CTNNA2: variants seen among roughly 807,000 people sequenced by gnomAD.
CTNNA2 encodes the protein catenin alpha-2.
CTNNA2 carries 42 observed loss-of-function variants against 101.0 expected under a neutral mutation model. The ratio of observed to expected loss-of-function variants is 0.42; its 90% CI spans 0.32 to 0.54. The LOEUF (loss-of-function observed/expected upper bound fraction) is 0.54, where lower values mean the gene tolerates loss of function less well. Ranked by LOEUF, CTNNA2 falls within the 20% of genes least tolerant of loss-of-function variation. The pLI is 0.14. For synonymous variants in CTNNA2, 450 were observed against 456.4 expected (o/e 0.99, Z 0.18); for missense variants, 871 against 1,223.1 (o/e 0.71, Z 4.29).
chr2:79,917,753 G>A (rs1467074078), intron 7 of CTNNA2, among the ~76,000 whole-genome samples: 1 of 152,202 alleles, frequency 6.6e-6, no homozygotes, highest in Admixed American at 6.5e-5. Flanking sequence ...CACAGGTGGT[G>A]GGAGAATCTC....
At position 80,455,352 on chromosome 2, in the gene CTNNA2, A is replaced by G. The variant is rs75531433; in HGVS notation, c.1290+35751A>G. Among the ~76,000 whole-genome samples the G allele has an allele frequency of 3.2e-4, 48 of 152,206 alleles. 1 individual carries two copies. Among genetic ancestry groups the G allele is most frequent in the Non-Finnish European group, 5.9e-5 (4 of 68,030 alleles). On this transcript the variant is annotated intron_variant, in intron 9 of 18. Transcript: ENST00000402739. ...TAATTGCCAGGTTGAATGGGCTTGT[A>G]TAAAGGTCATCTCTCTATCAGGAGG... is the stretch of plus-strand genomic sequence containing the variant.
At chr2:80,201,014 A>G (rs144869777) in intron 7 of CTNNA2, among the ~76,000 whole-genome samples, 3 of 152,240 alleles carry the variant, frequency 2.0e-5, no homozygotes, top group African/African-American at 7.2e-5. Context: ...TAAAATGGCA[A>G]TCTCAAGTCC....
At chr2:79,425,766 T>C (rs1054069721) in intron 4 of CTNNA2, among the ~76,000 whole-genome samples, 1 of 152,174 alleles carries the variant, frequency 6.6e-6, no homozygotes, top group Admixed American at 6.5e-5. Flanking sequence ...ATATTCTTTA[T>C]GAAATCTTAC....
chr2:79,753,721 G>T (rs1472443697), intron 3 of CTNNA2, among the ~76,000 whole-genome samples: 1 of 152,136 alleles, frequency 6.6e-6, no homozygotes, highest in African/African-American at 2.4e-5. Flanking sequence ...GAAAGAAGAA[G>T]CTTCTTCATG....
intron 7 of CTNNA2, among the ~76,000 whole-genome samples, chr2:80,110,132 C>T (rs1389902384): frequency 6.6e-6 from 1 of 152,094 alleles, no homozygotes; most frequent in Non-Finnish European, 1.5e-5. Context: ...ACGACGGTGC[C>T]ATATTGAATA....
chr2:79,613,646 G>A (rs1026667459), intron 1 of CTNNA2, among the ~76,000 whole-genome samples: 11 of 151,976 alleles, frequency 7.2e-5, no homozygotes, highest in Admixed American at 2.6e-4. Context: ...CATTTATTAA[G>A]GATGTACTAA....
intron 2 of CTNNA2, among the ~76,000 whole-genome samples, chr2:79,726,725 A>T (rs960744192): frequency 4.6e-5 from 7 of 152,216 alleles, no homozygotes; most frequent in African/African-American, 1.7e-4. Flanking sequence ...TCAGTATATG[A>T]TGTAACTATT....
intron 2 of CTNNA2, among the ~76,000 whole-genome samples, chr2:79,688,208 G>A (rs997351143): frequency 2.0e-5 from 3 of 152,004 alleles, no homozygotes; most frequent in African/African-American, 7.2e-5. Context: ...ATTTCCACAG[G>A]TGTATTTCAA....
chr2:79,397,641 CTGTT>C (rs1678247367), intron 4 of CTNNA2, among the ~76,000 whole-genome samples: 1 of 151,924 alleles, frequency 6.6e-6, no homozygotes, highest in South Asian at 2.1e-4. Context: ...GCTCTCAAGT[CTGTT>C]TGTTAAATTT....
intron 4 of CTNNA2, among the ~76,000 whole-genome samples, chr2:79,500,451 C>T (rs1671306960): frequency 6.6e-6 from 1 of 152,098 alleles, no homozygotes; most frequent in South Asian, 2.1e-4. Flanking sequence ...AAATGCAGTC[C>T]TTCTTATCCA....
At chr2:79,889,592 T>C (rs986562896) in intron 6 of CTNNA2, among the ~76,000 whole-genome samples, 4 of 152,306 alleles carry the variant, frequency 2.6e-5, no homozygotes, top group East Asian at 1.9e-4. Context: ...TCTTCATCTA[T>C]AAAATGAGAT....
At chr2:79,256,712 A>G (rs1032616215) in intron 2 of CTNNA2, among the ~76,000 whole-genome samples, 7 of 152,212 alleles carry the variant, frequency 4.6e-5, no homozygotes, top group Non-Finnish European at 1.0e-4. Context: ...ATGTCCCGTG[A>G]GTCAGCACTC....
At chr2:80,559,257 T>C (rs1023635661) in intron 12 of CTNNA2, among the ~76,000 whole-genome samples, 2 of 152,176 alleles carry the variant, frequency 1.3e-5, no homozygotes. Flanking sequence ...GGGAGTATAT[T>C]ACAAAGAAGA....
At chr2:79,863,543 C>G (rs1236255129) in intron 4 of CTNNA2, among the ~76,000 whole-genome samples, 3 of 152,264 alleles carry the variant, frequency 2.0e-5, no homozygotes, top group Non-Finnish European at 2.9e-5. Flanking sequence ...ATGAATCATT[C>G]TGTCCAATGA....
chr2:79,612,796 C>G (rs1180989404), intron 1 of CTNNA2, among the ~76,000 whole-genome samples: 1 of 151,942 alleles, frequency 6.6e-6, no homozygotes, highest in Non-Finnish European at 1.5e-5. Context: ...ACTAAGAAAA[C>G]CTGGCATTGC....
intron 3 of CTNNA2, among the ~76,000 whole-genome samples, chr2:79,830,399 G>A (rs1558561048): frequency 6.6e-6 from 1 of 152,110 alleles, no homozygotes; most frequent in Admixed American, 6.6e-5. Context: ...AGTGGGAGAC[G>A]GTAGAATGTA....
At chr2:79,463,579 AG>A (rs1409159965) in intron 4 of CTNNA2, among the ~76,000 whole-genome samples, 1 of 152,144 alleles carries the variant, frequency 6.6e-6, no homozygotes, top group Non-Finnish European at 1.5e-5. Flanking sequence ...TATAATCTTA[AG>A]TGAGCAGGAC....
intron 7 of CTNNA2, among the ~76,000 whole-genome samples, chr2:80,249,222 C>T (rs1200359407): frequency 2.6e-5 from 4 of 152,202 alleles, no homozygotes; most frequent in Non-Finnish European, 5.9e-5. Context: ...TTTTATTTAT[C>T]CTTCCTCTGA....
chr2:79,239,079 G>C (rs1396618356), intron 2 of CTNNA2, among the ~76,000 whole-genome samples: 5 of 152,032 alleles, frequency 3.3e-5, no homozygotes, highest in African/African-American at 1.2e-4. Context: ...ATTAAGCCCA[G>C]TGTGCATTAG....
Sources: allele counts gnomAD v4.1 joint callset (sites outside exome capture counted in the v4.1 genomes callset), GRCh38; gene constraint gnomAD v4.1.1; transcripts MANE v1.5; gene names NCBI Gene and HGNC (gene_info 2026-07-23, HGNC 2026-07-21).